The following ERMP1 variants were observed in gnomAD, a reference collection of about 807,000 sequenced individuals.
ERMP1 encodes the protein endoplasmic reticulum metallopeptidase 1, also known as Felix-ina.
Under a neutral mutation model 92.0 loss-of-function variants are expected in ERMP1, and 86 were observed. That is an observed-to-expected ratio of 0.93 (90% CI 0.79 to 1.12). The LOEUF is 1.12. Among genes scored for constraint, ERMP1 ranks in the 50% most tolerant of loss-of-function variants. The pLI is 0.00. For missense variants in ERMP1, 1,342 were observed against 1,116.3 expected (o/e 1.20, Z -2.88); for synonymous variants, 530 against 412.8 (o/e 1.28, Z -3.44).
chr9:5,831,816 A>C (rs1189911550), intron 1 of ERMP1, among the ~76,000 whole-genome samples: 1 of 152,180 alleles, frequency 6.6e-6, no homozygotes, highest in Non-Finnish European at 1.5e-5. Flanking sequence ...TAATAACTTC[A>C]ATTCAGGCCA....
chr9:5,860,550 A>C (rs1830455283), intron 5 of ERMP1, among the ~76,000 whole-genome samples: 1 of 152,080 alleles, frequency 6.6e-6, no homozygotes, highest in African/African-American at 2.4e-5. Flanking sequence ...GTGACATACT[A>C]CATGTTCTCT....
At chr9:5,853,476 C>G (rs758848253) in intron 6 of ERMP1, among the ~76,000 whole-genome samples, 24 of 151,142 alleles carry the variant, frequency 1.6e-4, no homozygotes, top group Non-Finnish European at 3.4e-4. Context: ...CATACATATC[C>G]TGTAAGAAAC....
At chr9:5,804,994 T>C in intron 10 of ERMP1, 33 bp downstream of exon 10, 1 of 1,513,626 alleles carries the variant, frequency 6.6e-7, no homozygotes, top group Non-Finnish European at 9.0e-7. Flanking sequence ...ATATAAAAAA[T>C]GAAGAAAAAG....
intron 13 of ERMP1, among the ~76,000 whole-genome samples, chr9:5,789,253 AT>A (rs1384766192): frequency 6.6e-6 from 1 of 152,174 alleles, no homozygotes; most frequent in Non-Finnish European, 1.5e-5. Context: ...GAAAAAAAAA[AT>A]CTTCAAGGTC....
chr9:5,797,686 G>C (rs577586721), intron 13 of ERMP1, 131 bp downstream of exon 13: 26 of 634,440 alleles, frequency 4.1e-5, no homozygotes, highest in African/African-American at 3.9e-4. Flanking sequence ...AGCTTCAATT[G>C]ATTTTAGAAA....
chr9:5,833,931 C>T (rs865877616), upstream of ERMP1, among the ~76,000 whole-genome samples: 2 of 152,156 alleles, frequency 1.3e-5, no homozygotes, highest in East Asian at 3.8e-4. Flanking sequence ...TCCAGCTTGC[C>T]GGTACCCATG....
intron 10 of ERMP1, among the ~76,000 whole-genome samples, chr9:5,803,049 A>G (rs960813963): frequency 6.6e-6 from 1 of 152,076 alleles, no homozygotes; most frequent in African/African-American, 2.4e-5. Context: ...AAACAAACAA[A>G]CAAACAAACA....
chr9:5,843,639 C>T (rs773188003), intron 6 of ERMP1, among the ~76,000 whole-genome samples: 5 of 152,194 alleles, frequency 3.3e-5, no homozygotes, highest in Non-Finnish European at 7.3e-5. Flanking sequence ...CAAATGCCCC[C>T]CTCCCCGCTT....
chr9:5,843,653 G>C (rs545012362), intron 6 of ERMP1, among the ~76,000 whole-genome samples: 1 of 152,178 alleles, frequency 6.6e-6, no homozygotes, highest in Non-Finnish European at 1.5e-5. Context: ...CCCGCTTCTA[G>C]CCACTGCTTT....
chr9:5,813,065 G>C, intron 4 of ERMP1, 30 bp from the exon 5 acceptor site: 4 of 1,593,796 alleles, frequency 2.5e-6, no homozygotes, highest in Non-Finnish European at 3.4e-6. Flanking sequence ...CACAATAGAA[G>C]GTATTCCGGC....
chr9:5,814,616 G>C (rs1178057982), intron 4 of ERMP1, among the ~76,000 whole-genome samples: 1 of 152,196 alleles, frequency 6.6e-6, no homozygotes, highest in Non-Finnish European at 1.5e-5. Context: ...GGTAATCCCA[G>C]CTGCTCAGGA....
At chr9:5,837,177 T>G (rs555064843), upstream of ERMP1, among the ~76,000 whole-genome samples, 31 of 152,188 alleles carry the variant, frequency 2.0e-4, no homozygotes, top group Admixed American at 3.9e-4. Flanking sequence ...TAGAGACAGG[T>G]TCTAACTATG....
chr9:5,855,423 T>G (rs1830362138), intron 6 of ERMP1, among the ~76,000 whole-genome samples: 1 of 152,188 alleles, frequency 6.6e-6, no homozygotes, highest in African/African-American at 2.4e-5. Flanking sequence ...ACTGGTGCTG[T>G]GATTCAACAG....
Position 5,800,153 on chromosome 9 carries a change from A to G in ERMP1, c.2067+1023T>C, listed in dbSNP as rs376012122. Among the ~76,000 whole-genome samples the G allele has an allele frequency of 5.9e-5, 9 of 152,350 alleles. No homozygotes were observed. The East Asian group carries it at 1.5e-3, about 26-fold the overall frequency. On this transcript the variant is annotated intron_variant, in intron 11 of 14. Transcript: ENST00000339450. ...GGATCTTTCACTTACAGAGTATAAA[A>G]TACAAATAAGAATTATGCAAAATAT...
At chr9:5,864,033 G>C (rs1433885100) in intron 5 of ERMP1, among the ~76,000 whole-genome samples, 1 of 152,032 alleles carries the variant, frequency 6.6e-6, no homozygotes, top group Non-Finnish European at 1.5e-5. Context: ...ATACATTTCT[G>C]TTGTCTATGC....
intron 5 of ERMP1, among the ~76,000 whole-genome samples, chr9:5,863,806 G>T (rs1830571566): frequency 6.6e-6 from 1 of 152,148 alleles, no homozygotes; most frequent in Non-Finnish European, 1.5e-5. Flanking sequence ...TAACAAAAAT[G>T]GGAACATTCT....
At chr9:5,843,847 C>T (rs574093302) in intron 6 of ERMP1, among the ~76,000 whole-genome samples, 1 of 152,274 alleles carries the variant, frequency 6.6e-6, no homozygotes. Flanking sequence ...AGTTACAGCC[C>T]TCCTGGATTT....
At chr9:5,804,998 GAAA>G (rs757390023) in intron 10 of ERMP1, 26 bp downstream of exon 10, 67 of 1,537,460 alleles carry the variant, frequency 4.4e-5, no homozygotes, top group Admixed American at 7.9e-5. Flanking sequence ...AAAAAATGAA[GAAA>G]AAGAAAAAAA....
chr9:5,852,270 GTTTTT>G (rs906746627), intron 6 of ERMP1, among the ~76,000 whole-genome samples: 1 of 145,338 alleles, frequency 6.9e-6, no homozygotes, highest in East Asian at 2.0e-4. Context: ...TTGTTTTTTT[GTTTTT>G]TTTTTCCAGA....
Sources: gnomAD v4.1 joint callset for allele counts (sites outside exome capture counted in the v4.1 genomes callset) on GRCh38, gnomAD v4.1.1 for gene constraint, MANE v1.5 for transcripts, NCBI Gene and HGNC (gene_info 2026-07-23, HGNC 2026-07-21) for gene names.